BDKRB2: variants seen among roughly 807,000 people sequenced by gnomAD.
The protein encoded by BDKRB2 is B2 bradykinin receptor.
In BDKRB2, 6 loss-of-function variants were observed where a neutral mutation model predicts 4.0. The ratio of observed to expected loss-of-function variants is 1.49; its 90% CI spans 0.81 to 2.93. The LOEUF is 2.93. Among genes scored for constraint, BDKRB2 ranks in the 30% most tolerant of loss-of-function variants. The pLI is 0.00. For synonymous variants in BDKRB2, 225 were observed against 215.3 expected (o/e 1.05, Z -0.40); for missense variants, 478 against 520.1 (o/e 0.92, Z 0.79).
At chr14:96,230,164 A>G (rs969180521) in intron 1 of BDKRB2, among the ~76,000 whole-genome samples, 5 of 152,182 alleles carry the variant, frequency 3.3e-5, no homozygotes, top group Non-Finnish European at 1.5e-5. Flanking sequence ...AAGGATTGGA[A>G]TAAAGGAATG....
chr14:96,205,652 T>C (rs1414700754), intron 1 of BDKRB2, among the ~76,000 whole-genome samples: 1 of 151,020 alleles, frequency 6.6e-6, no homozygotes, highest in Non-Finnish European at 1.5e-5. Flanking sequence ...CCGGCCCAGG[T>C]TGCAGCTCCA....
At chr14:96,227,721 A>G (rs1448383898) in intron 1 of BDKRB2, among the ~76,000 whole-genome samples, 12 of 152,188 alleles carry the variant, frequency 7.9e-5, no homozygotes. Flanking sequence ...ATGCACACAC[A>G]TGCGTGCACA....
chr14:96,210,279 C>T (rs150439392), intron 1 of BDKRB2, among the ~76,000 whole-genome samples: 18 of 152,308 alleles, frequency 1.2e-4, no homozygotes, highest in African/African-American at 3.8e-4. Context: ...TTGCATGACC[C>T]AGCTCCCAGC....
chr14:96,240,806 G>C lies in BDKRB2; in HGVS notation c.478G>C (p.Val160Leu). Reference protein sequence around the residue: ...LVSIDRYLALVKTMSMGRMRG... With the variant: ...LVSIDRYLALLKTMSMGRMRG... ...GAGCATCGACCGCTACCTGGCCCTG[G>C]TGAAAACCATGTCCATGGGCCGGAT... The change falls in exon 3 of 3, where the codon GTG becomes CTG. Residue 160 changes from valine (V) to leucine (L), a missense_variant. Transcript: ENST00000554311. 1 of 1,553,254 alleles carries C rather than the reference G, an allele frequency of 6.4e-7. No homozygotes were observed. Among genetic ancestry groups the C allele is most frequent in the Non-Finnish European group, 8.7e-7 (1 of 1,150,890 alleles).
At chr14:96,220,900 G>A (rs1890544804) in intron 1 of BDKRB2, among the ~76,000 whole-genome samples, 1 of 152,128 alleles carries the variant, frequency 6.6e-6, no homozygotes. Context: ...CCCCCACGAA[G>A]CCTCCCACAC....
intron 1 of BDKRB2, among the ~76,000 whole-genome samples, chr14:96,235,293 A>G (rs931965398): frequency 5.0e-5 from 7 of 139,296 alleles, no homozygotes; most frequent in African/African-American, 1.9e-4. Context: ...GGTTGCAGTG[A>G]GCCAAGATTA....
intron 1 of BDKRB2, among the ~76,000 whole-genome samples, chr14:96,218,358 C>G (rs2139775345): frequency 6.6e-6 from 1 of 152,256 alleles, no homozygotes; most frequent in African/African-American, 2.4e-5. Context: ...CACTTGAGAC[C>G]CCTAAGTGCT....
At chr14:96,226,522 T>C (rs1262998714) in intron 1 of BDKRB2, among the ~76,000 whole-genome samples, 2 of 152,010 alleles carry the variant, frequency 1.3e-5, no homozygotes, top group Non-Finnish European at 1.5e-5. Flanking sequence ...GGCGTAGTGG[T>C]GCATGCCTGT....
At chr14:96,239,194 T>C (rs1225552701) in intron 2 of BDKRB2, 1 of 985,152 alleles carries the variant, frequency 1.0e-6, no homozygotes, top group Non-Finnish European at 1.2e-6. Context: ...GCCCAATGAG[T>C]CCTGCCCTCT....
At chr14:96,226,743 C>G (rs1890706798) in intron 1 of BDKRB2, among the ~76,000 whole-genome samples, 1 of 152,146 alleles carries the variant, frequency 6.6e-6, no homozygotes, top group Non-Finnish European at 1.5e-5. Context: ...GTAGAATGCC[C>G]ACCCTCTGTC....
At chr14:96,211,977 C>T (rs988256043) in intron 1 of BDKRB2, among the ~76,000 whole-genome samples, 2 of 152,138 alleles carry the variant, frequency 1.3e-5, no homozygotes, top group African/African-American at 2.4e-5. Flanking sequence ...CTTCTGCAGG[C>T]GTCCTTATAC....
chr14:96,211,931 A>C (rs940307771), intron 1 of BDKRB2, among the ~76,000 whole-genome samples: 5 of 152,184 alleles, frequency 3.3e-5, no homozygotes, highest in Admixed American at 2.0e-4. Flanking sequence ...TTAAATGCAA[A>C]GAGGTGAGGA....
intron 1 of BDKRB2, among the ~76,000 whole-genome samples, chr14:96,227,045 C>T (rs148749425): frequency 2.6e-3 from 393 of 152,308 alleles, no homozygotes; most frequent in Non-Finnish European, 3.4e-3. Flanking sequence ...AAAGCCCGGG[C>T]TCTTGCTCCA....
rs770712432 is a variant in BDKRB2 at position 96,237,163 on chromosome 14, C to A, written c.56C>A (p.Pro19His). 1 of 1,613,788 alleles carries A rather than the reference C, an allele frequency of 6.2e-7. No homozygotes were observed. Among genetic ancestry groups the A allele is most frequent in the South Asian group, 1.1e-5 (1 of 91,074 alleles). The stretch of plus-strand genomic sequence containing the variant: ...CTGTCTGTTCGTGAGGACTCCGTGC[C>A]CACCACGGCCTCTTTCAGGTGAGTC... ...MFLSVREDSV[P>H]TTASFSADML... is the part of the protein sequence containing the mutation. Residue 19 changes from proline to histidine, a missense_variant, in exon 2 of 3, where the codon CCC becomes CAC. Transcript: ENST00000554311.
rs1885322596 is a variant in BDKRB2, at chr14:96,242,578, C to A, written c.*1074C>A. The A allele has an allele frequency of 6.6e-6, 1 of 152,258 alleles. No homozygotes were observed. Among genetic ancestry groups the A allele is most frequent in the African/African-American group, 2.4e-5 (1 of 41,454 alleles). 9.4% of individuals were successfully genotyped at this position (152,258 alleles called of 1,614,324 possible). On this transcript the variant is annotated 3_prime_UTR_variant, in exon 3 of 3. Transcript: ENST00000554311. Reference sequence around the variant, plus strand: ...ACCAGTGTCTGGCACACAGTAGGTGCTCATTGGCTCCCTTCCACCTGTCAT... The same window carrying A: ...ACCAGTGTCTGGCACACAGTAGGTGATCATTGGCTCCCTTCCACCTGTCAT...
At chr14:96,210,651 T>C (rs1890282850) in intron 1 of BDKRB2, among the ~76,000 whole-genome samples, 1 of 152,108 alleles carries the variant, frequency 6.6e-6, no homozygotes, top group East Asian at 1.9e-4. Context: ...TTCCTTTCTG[T>C]GGGGGTCTGG....
chr14:96,235,090 G>A (rs530024372), intron 1 of BDKRB2, among the ~76,000 whole-genome samples: 2 of 152,292 alleles, frequency 1.3e-5, no homozygotes, highest in Admixed American at 6.5e-5. Flanking sequence ...GCTCACATCT[G>A]TAATCCCAGC....
chr14:96,227,088 A>G (rs1890713713), intron 1 of BDKRB2, among the ~76,000 whole-genome samples: 1 of 152,070 alleles, frequency 6.6e-6, no homozygotes, highest in Non-Finnish European at 1.5e-5. Flanking sequence ...GGCTGTAGAC[A>G]TCGTTTCACC....
chr14:96,214,348 A>C (rs1029362044), intron 1 of BDKRB2, among the ~76,000 whole-genome samples: 1 of 152,096 alleles, frequency 6.6e-6, no homozygotes, highest in East Asian at 1.9e-4. Flanking sequence ...GGGAAAGAGG[A>C]GGCGACTGTC....
Sources: allele counts gnomAD v4.1 joint callset (sites outside exome capture counted in the v4.1 genomes callset), GRCh38; gene constraint gnomAD v4.1.1; transcripts MANE v1.5; gene names NCBI Gene and HGNC (gene_info 2026-07-23, HGNC 2026-07-21).